TCHP: variants seen among roughly 807,000 people sequenced by gnomAD.
TCHP encodes trichoplein keratin filament-binding protein.
In TCHP, 81 loss-of-function variants were observed where a neutral mutation model predicts 88.7. The ratio of observed to expected loss-of-function variants is 0.91; its 90% CI spans 0.76 to 1.10. TCHP has a LOEUF of 1.10. TCHP is among the 50% of genes least tolerant of loss of function. TCHP has a pLI of 0.00. For synonymous variants in TCHP, 232 were observed against 232.5 expected (o/e 1.00, Z 0.02); for missense variants, 641 against 632.1 (o/e 1.01, Z -0.15).
the TCHP span, among the ~76,000 whole-genome samples, chr12:109,883,685 C>G: frequency 6.6e-6 from 1 of 152,308 alleles, no homozygotes; most frequent in South Asian, 2.1e-4. Context: ...ATGTGGGGAC[C>G]TCTGGCATCA....
chr12:109,886,132 A>G, the TCHP span, among the ~76,000 whole-genome samples: 8 of 152,038 alleles, frequency 5.3e-5, no homozygotes, highest in African/African-American at 1.9e-4. Context: ...ACAATCCATT[A>G]CTATTTATTT....
the TCHP span, among the ~76,000 whole-genome samples, chr12:109,893,864 A>G: frequency 3.3e-5 from 5 of 150,956 alleles, no homozygotes; most frequent in African/African-American, 4.9e-5. Context: ...CAATGGGGAC[A>G]GAGAGAGAGA....
intron 9 of TCHP, among the ~76,000 whole-genome samples, chr12:109,912,768 G>A (rs1187971427): frequency 2.0e-5 from 3 of 152,152 alleles, no homozygotes; most frequent in African/African-American, 7.2e-5. Flanking sequence ...TCTAGCCTGG[G>A]CAACAGAGCG....
At chr12:109,886,842 G>A in the TCHP span, among the ~76,000 whole-genome samples, 3 of 151,992 alleles carry the variant, frequency 2.0e-5, no homozygotes, top group Non-Finnish European at 4.4e-5. Flanking sequence ...CTGAGTAGCT[G>A]GGATTATAGG....
chr12:109,904,253 C>A, intron 3 of TCHP, 106 bp downstream of exon 3: 1 of 970,852 alleles, frequency 1.0e-6, no homozygotes, highest in Non-Finnish European at 1.5e-6. Context: ...GATGAGATGC[C>A]AGTTAACTCC....
At chr12:109,915,190 G>C (rs551922242) in intron 11 of TCHP, 1 of 642,760 alleles carries the variant, frequency 1.6e-6, no homozygotes, top group African/African-American at 1.8e-5. Flanking sequence ...TAAGCGCCAC[G>C]CATACAGCCT....
chr12:109,895,050 G>A, the TCHP span, among the ~76,000 whole-genome samples: 7 of 152,086 alleles, frequency 4.6e-5, no homozygotes, highest in African/African-American at 1.7e-4. Flanking sequence ...CTGGGAGGAG[G>A]TGGAGAATGG....
chr12:109,903,117 C>T lies in TCHP; in HGVS notation c.91C>T (p.Arg31Trp), dbSNP rs771030889. The change falls in exon 2 of 13, where the codon CGG (arginine) becomes TGG (tryptophan). Residue 31 changes from arginine to tryptophan, a missense_variant. Transcript: ENST00000405876. This position sits in a 1 kb window ranked among gnomAD's most constrained non-coding sequence, Gnocchi z 4.6. ...ACAGCGAGAGCAGGAGGCCCGGCTTCGGCAGCAGTGGGAGCAGAACAGCCG... is the reference window on the plus strand; with the variant it reads ...ACAGCGAGAGCAGGAGGCCCGGCTTTGGCAGCAGTGGGAGCAGAACAGCCG... ...ARQREQEARL[R>W]QQWEQNSRYF... 2.2e-5 allele frequency: 36 copies of T among 1,613,892 alleles called. No homozygotes were observed. Among genetic ancestry groups the T allele is most frequent in the Non-Finnish European group, 2.5e-5 (30 of 1,179,934 alleles).
At chr12:109,909,327 T>C (rs533086570) in intron 8 of TCHP, among the ~76,000 whole-genome samples, 1 of 152,324 alleles carries the variant, frequency 6.6e-6, no homozygotes, top group African/African-American at 2.4e-5. Context: ...CTGTGTTACT[T>C]AAAAAGCAGC....
At chr12:109,906,026 A>T (rs944996827) in intron 4 of TCHP, among the ~76,000 whole-genome samples, 2 of 152,216 alleles carry the variant, frequency 1.3e-5, no homozygotes, top group African/African-American at 4.8e-5. Flanking sequence ...TTCCCAAACA[A>T]AAGATTTGGA....
In TCHP at chr12:109,905,084, G is replaced by A; in HGVS notation, c.456+291G>A. On this transcript the variant is annotated intron_variant, in intron 4 of 12. Coordinates refer to ENST00000405876, the MANE Select transcript of TCHP (RefSeq NM_001143852.2). This position sits in a 1 kb window ranked among gnomAD's most constrained non-coding sequence, Gnocchi z 4.0. ...GTCCAGCATGGGAGCTCATTACAGG[G>A]CAGGATGCAGGGTGCTGGGCCAGCC... The A allele has an allele frequency of 2.4e-6, 1 of 424,442 alleles. No homozygotes were observed. The highest frequency in any genetic ancestry group is 4.3e-6 in the Non-Finnish European group (1 of 233,500). The allele number at this position is 424,442 out of a possible 1,614,324, so 26.3% of individuals were successfully genotyped here. A position where few individuals can be genotyped will look rare whatever the true frequency, so the allele number is the denominator to read the frequency against.
chr12:109,900,521 C>A (rs907448454), intron 1 of TCHP, 95 bp downstream of exon 1: 4 of 152,266 alleles, frequency 2.6e-5, no homozygotes, highest in Non-Finnish European at 5.9e-5. Flanking sequence ...AGTCAGCGGG[C>A]GCGAGCTCAG....
upstream of TCHP, among the ~76,000 whole-genome samples, chr12:109,899,953 C>T (rs1172588017): frequency 6.6e-6 from 1 of 152,044 alleles, no homozygotes; most frequent in Non-Finnish European, 1.5e-5. Context: ...TCCCACCATG[C>T]CCGGTTAAGT....
the TCHP span, among the ~76,000 whole-genome samples, chr12:109,889,138 G>A: frequency 3.8e-4 from 58 of 152,140 alleles, no homozygotes; most frequent in African/African-American, 1.3e-3. Flanking sequence ...AAACCAGCCT[G>A]GGCAACATAG....
chr12:109,885,760 C>A, the TCHP span, among the ~76,000 whole-genome samples: 1 of 151,324 alleles, frequency 6.6e-6, no homozygotes, highest in African/African-American at 2.4e-5. Flanking sequence ...TGATTACAAG[C>A]GTGAGACACC....
At chr12:109,887,227 T>G in the TCHP span, among the ~76,000 whole-genome samples, 1 of 151,790 alleles carries the variant, frequency 6.6e-6, no homozygotes, top group Non-Finnish European at 1.5e-5. Context: ...ATCAAGACCA[T>G]CCTGGCCAAC....
intron 7 of TCHP, 69 bp downstream of exon 7, chr12:109,908,767 G>A (rs1239429582): frequency 1.0e-5 from 16 of 1,559,450 alleles, no homozygotes; most frequent in Admixed American, 5.4e-5. Flanking sequence ...ACTTGCATTC[G>A]TGTTGCTGAA....
At position 109,913,068 on chromosome 12, in the gene TCHP, G is replaced by A; in HGVS notation, c.1130G>A (p.Ser377Asn). 4.3e-6 allele frequency: 7 copies of A among 1,613,824 alleles called. No homozygotes were observed. The highest frequency in any genetic ancestry group is 5.1e-6 in the Non-Finnish European group (6 of 1,179,998). Residue 377 changes from serine (S) to asparagine (N), a missense_variant, in exon 10 of 13, where the codon AGC (serine) becomes AAC (asparagine). Ser to Asn is a conservative substitution (Grantham distance 46, BLOSUM62 1). Coordinates refer to ENST00000405876, the MANE Select transcript of TCHP (RefSeq NM_001143852.2). ...CGCAGCGCACGGGACAGACTGATGA[G>A]CGAGGTAATCCCAGCTGCGGCGATG... ...RERSARDRLM[S>N]EVLTGRQQQI...
upstream of TCHP, among the ~76,000 whole-genome samples, chr12:109,897,235 G>A (rs1869584435): frequency 6.6e-6 from 1 of 152,340 alleles, no homozygotes. Flanking sequence ...GCTTAATAGC[G>A]ACAGCCAGCA....
Sources: allele counts gnomAD v4.1 joint callset (sites outside exome capture counted in the v4.1 genomes callset), GRCh38; gene constraint gnomAD v4.1.1; non-coding constraint Gnocchi (gnomAD v3.1); transcripts MANE v1.5; gene names NCBI Gene and HGNC (gene_info 2026-07-23, HGNC 2026-07-21).